FAM81A: variants seen among roughly 807,000 people sequenced by gnomAD.
FAM81A encodes the protein protein FAM81A.
Under a neutral mutation model 46.7 loss-of-function variants are expected in FAM81A, and 19 were observed. That is an observed-to-expected ratio of 0.41 (90% CI 0.28 to 0.60). The LOEUF (loss-of-function observed/expected upper bound fraction) is 0.60. Among genes scored for constraint, FAM81A ranks in the 20% least tolerant of loss-of-function variants. The pLI is 0.34. For missense variants in FAM81A, 377 were observed against 453.5 expected, an observed-to-expected ratio of 0.83 and a Z score of 1.53; for synonymous variants, 183 against 152.9, an observed-to-expected ratio of 1.20 and a Z score of -1.45.
chr15:59,455,251 G>C (rs975717074), intron 1 of FAM81A, among the ~76,000 whole-genome samples: 5 of 151,774 alleles, frequency 3.3e-5, no homozygotes, highest in Admixed American at 3.3e-4. Context: ...TTACCTACCT[G>C]TCCCTTCCCC....
chr15:59,442,355 G>T (rs1199352610), intron 1 of FAM81A, among the ~76,000 whole-genome samples: 2 of 152,086 alleles, frequency 1.3e-5, no homozygotes, highest in Admixed American at 1.3e-4. Context: ...GCTCATGCTT[G>T]TAATCCCAGC....
chr15:59,455,570 A>G (rs1333666732), intron 1 of FAM81A, among the ~76,000 whole-genome samples: 2 of 152,226 alleles, frequency 1.3e-5, no homozygotes, highest in African/African-American at 2.4e-5. Flanking sequence ...AAGAATCGTG[A>G]TGCTAACAAA....
At chr15:59,417,169 G>T (rs1163983539) in intron 2 of FAM81A, among the ~76,000 whole-genome samples, 1 of 152,096 alleles carries the variant, frequency 6.6e-6, no homozygotes, top group African/African-American at 2.4e-5. Flanking sequence ...AGTGAGTTCA[G>T]CTTGCTGAAG....
chr15:59,443,241 C>A (rs536699706), intron 1 of FAM81A, among the ~76,000 whole-genome samples: 4 of 152,286 alleles, frequency 2.6e-5, no homozygotes, highest in East Asian at 3.9e-4. Context: ...CACCATCATG[C>A]CTGGCTAACT....
upstream of FAM81A, among the ~76,000 whole-genome samples, chr15:59,434,612 C>T (rs2081235077): frequency 6.6e-6 from 1 of 152,242 alleles, no homozygotes; most frequent in Non-Finnish European, 1.5e-5. Context: ...GGGTCTTCCT[C>T]ATTGCTCCCT....
At chr15:59,439,431 C>T (rs1458823245) in intron 1 of FAM81A, among the ~76,000 whole-genome samples, 4 of 151,874 alleles carry the variant, frequency 2.6e-5, no homozygotes, top group African/African-American at 7.3e-5. Flanking sequence ...TTCCTTGGCA[C>T]TTATAATATT....
intron 1 of FAM81A, chr15:59,401,382 G>T: frequency 2.5e-6 from 2 of 788,974 alleles, no homozygotes; most frequent in Non-Finnish European, 4.7e-6. Flanking sequence ...GTTGTATACA[G>T]TGGGGACGAC....
At chr15:59,501,950 T>C (rs1445554005) in intron 4 of FAM81A, among the ~76,000 whole-genome samples, 1 of 152,202 alleles carries the variant, frequency 6.6e-6, no homozygotes, top group Non-Finnish European at 1.5e-5. Flanking sequence ...ATGATGTCTT[T>C]GATTTAACGC....
At chr15:59,445,082 C>G (rs539761317) in intron 1 of FAM81A, 1 of 152,310 alleles carries the variant, frequency 6.6e-6, no homozygotes, top group East Asian at 1.9e-4. Flanking sequence ...GGTTGAAAGT[C>G]AGATTTCAGT....
chr15:59,483,795 C>G (rs1442670650), intron 3 of FAM81A, among the ~76,000 whole-genome samples: 2 of 152,164 alleles, frequency 1.3e-5, no homozygotes, highest in African/African-American at 4.8e-5. Context: ...GCAGGAAAGC[C>G]TGGGGAGCCA....
chr15:59,506,340 T>C (rs1487794318), intron 4 of FAM81A, among the ~76,000 whole-genome samples: 1 of 152,122 alleles, frequency 6.6e-6, no homozygotes, highest in African/African-American at 2.4e-5. Flanking sequence ...GTTGGTGCAG[T>C]AGCAGGAATA....
chr15:59,512,405 G>C (rs2082220711), intron 6 of FAM81A, among the ~76,000 whole-genome samples: 1 of 140,010 alleles, frequency 7.1e-6, no homozygotes, highest in African/African-American at 2.7e-5. Flanking sequence ...CTGAGAGGCA[G>C]AGGTTGCAGT....
intron 2 of FAM81A, among the ~76,000 whole-genome samples, chr15:59,424,356 G>T (rs2081186688): frequency 2.0e-5 from 3 of 151,880 alleles, no homozygotes; most frequent in Admixed American, 1.3e-4. Context: ...TCTGGCCCAG[G>T]GCTTCATTCT....
chr15:59,496,711 A>G (rs1353815300), intron 4 of FAM81A, among the ~76,000 whole-genome samples: 1 of 152,106 alleles, frequency 6.6e-6, no homozygotes, highest in East Asian at 1.9e-4. Flanking sequence ...CTGGTACCAC[A>G]CTGTCTTGAT....
intron 1 of FAM81A, among the ~76,000 whole-genome samples, chr15:59,456,950 A>G (rs2081492392): frequency 6.6e-6 from 1 of 152,182 alleles, no homozygotes; most frequent in Non-Finnish European, 1.5e-5. Flanking sequence ...TAGTTAGGTT[A>G]CTTAATTACC....
chr15:59,456,644 T>TG (rs2081488487), intron 1 of FAM81A, among the ~76,000 whole-genome samples: 2 of 152,188 alleles, frequency 1.3e-5, no homozygotes, highest in African/African-American at 4.8e-5. Context: ...GGCGCTATCA[T>TG]GGCTCACTGT....
intron 3 of FAM81A, among the ~76,000 whole-genome samples, chr15:59,464,777 T>C (rs1402114439): frequency 6.6e-6 from 1 of 152,230 alleles, no homozygotes; most frequent in Non-Finnish European, 1.5e-5. Context: ...CTTTTCACTT[T>C]GTGGATTGCT....
At chr15:59,473,412 A>C (rs1207811443) in intron 3 of FAM81A, among the ~76,000 whole-genome samples, 1 of 152,236 alleles carries the variant, frequency 6.6e-6, no homozygotes, top group Non-Finnish European at 1.5e-5. Flanking sequence ...CAGATCAAAA[A>C]AACATAGTAT....
At chr15:59,418,223 A>C (rs935020918) in intron 2 of FAM81A, among the ~76,000 whole-genome samples, 1 of 152,198 alleles carries the variant, frequency 6.6e-6, no homozygotes, top group South Asian at 2.1e-4. Flanking sequence ...TGAGGGCACG[A>C]TGTGAGCTGT....
Sources: allele counts gnomAD v4.1 joint callset (sites outside exome capture counted in the v4.1 genomes callset), GRCh38; gene constraint gnomAD v4.1.1; transcripts MANE v1.5; gene names NCBI Gene and HGNC (gene_info 2026-07-23, HGNC 2026-07-21).